Variants in DAND5 observed in about 807,000 individuals in gnomAD.
The protein encoded by DAND5 is DAN domain family member 5.
A neutral mutation model predicts 9.2 loss-of-function variants in DAND5; 8 were observed. The observed-to-expected ratio is 0.87, with a 90% CI of 0.51 to 1.56. The LOEUF (loss-of-function observed/expected upper bound fraction) is 1.56, where lower values mean the gene tolerates loss of function less well. Ranked by LOEUF, DAND5 falls within the 40% of genes most tolerant of loss-of-function variation. The probability of loss-of-function intolerance (pLI) is 0.00; values close to 1 mark genes in which losing one functional copy is unlikely to be tolerated. For synonymous variants in DAND5, 95 were observed against 101.1 expected, an observed-to-expected ratio of 0.94 and a Z score of 0.36; for missense variants, 244 against 244.7, an observed-to-expected ratio of 1.00 and a Z score of 0.02.
chr19:12,970,087 C>T (rs2011138997), intron 1 of DAND5, 103 bp downstream of exon 1: 4 of 1,369,816 alleles, frequency 2.9e-6, no homozygotes, highest in Non-Finnish European at 4.0e-6. Context: ...GTATCCTCCA[C>T]CTGAATGTCT....
In DAND5 at chr19:12,969,633, ACAGG is replaced by A. The variant is rs764742041; in HGVS notation, c.-24_-21del. 6.4e-7 allele frequency: 1 copy of A among 1,570,196 alleles called. No homozygotes were observed. The highest frequency in any genetic ancestry group is 8.6e-7 in the Non-Finnish European group (1 of 1,161,152). On this transcript the variant is annotated 5_prime_UTR_variant, in exon 1 of 2. Coordinates refer to ENST00000317060, the MANE Select transcript of DAND5 (RefSeq NM_152654.3). Reference sequence around the variant, plus strand: ...CCTTGAGCCCAGTCCGGACAGACAGACAGGCAGACAGACGCACGGACAAGCAGAT... The same window carrying A: ...CCTTGAGCCCAGTCCGGACAGACAGACAGACAGACGCACGGACAAGCAGAT...
intron 1 of DAND5, chr19:12,970,320 C>T: frequency 1.6e-6 from 1 of 617,464 alleles, no homozygotes. Flanking sequence ...CTTCACAGCC[C>T]ACAAATTTCT....
intron 1 of DAND5, among the ~76,000 whole-genome samples, chr19:12,971,660 C>T (rs533586983): frequency 2.7e-5 from 4 of 148,492 alleles, no homozygotes; most frequent in Admixed American, 6.8e-5. Flanking sequence ...GGTGCAATCT[C>T]GGCTCACTGC....
intron 1 of DAND5, among the ~76,000 whole-genome samples, chr19:12,972,058 A>ATT (rs71168643): frequency 6.1e-5 from 7 of 114,190 alleles, no homozygotes; most frequent in Admixed American, 1.9e-4. Context: ...CCCAGCTAAT[A>ATT]TTTTTTTTTT....
At chr19:12,972,302 G>A (rs1468530215) in intron 1 of DAND5, among the ~76,000 whole-genome samples, 2 of 151,862 alleles carry the variant, frequency 1.3e-5, no homozygotes, top group East Asian at 3.9e-4. Flanking sequence ...TTCGTGATCT[G>A]CCTGCGTTGG....
chr19:12,973,682 G>A lies in DAND5; in HGVS notation c.*48G>A, dbSNP rs1467885132. 1 of 1,585,858 alleles carries A rather than the reference G, an allele frequency of 6.3e-7. No homozygotes were observed. The highest frequency in any genetic ancestry group is 1.3e-5 in the African/African-American group (1 of 74,582). On this transcript the variant is annotated 3_prime_UTR_variant, in exon 2 of 2. Transcript: ENST00000317060. ...ACGGAGACACGCACCTTGGAGAAAT[G>A]AGGGGAGATGGACCAAGAAAGACGT...
At chr19:12,970,007 G>C in intron 1 of DAND5, 23 bp downstream of exon 1, 1 of 1,612,046 alleles carries the variant, frequency 6.2e-7, no homozygotes, top group Non-Finnish European at 8.5e-7. Flanking sequence ...GTGTGGGGAG[G>C]AGAGGGCTGG....
rs376960433 is a variant in DAND5 at position 12,973,377 on chromosome 19, C to T, written c.325-12C>T. ...TCCGCCACCCTGACCGTCTCCATGC[C>T]TCCGGCCCCAGGTGTTCTCCCGGCC... On this transcript the variant is annotated splice_polypyrimidine_tract_variant and intron_variant, in intron 1 of 1. Transcript: ENST00000317060. 78 of 1,613,172 alleles carry T rather than the reference C, an allele frequency of 4.8e-5. No individual in the cohort carries two copies. The highest frequency in any genetic ancestry group is 5.8e-5 in the Non-Finnish European group (69 of 1,179,668).
chr19:12,971,904 T>C (rs2011147200), intron 1 of DAND5, among the ~76,000 whole-genome samples: 3 of 151,956 alleles, frequency 2.0e-5, no homozygotes, highest in Admixed American at 6.6e-5. Context: ...TCATGTTTTT[T>C]GTTAGAGACA....
chr19:12,973,836 T>C lies in DAND5; in HGVS notation c.*202T>C. ...CGTCCTGGAGTTGCACCACTGATAG[T>C]CACAGCACACAATGATTGACAACTC... is the stretch of plus-strand genomic sequence containing the variant. On this transcript the variant is annotated 3_prime_UTR_variant, in exon 2 of 2. Transcript: ENST00000317060. 3.1e-6 allele frequency: 2 copies of C among 649,954 alleles called. No individual in the cohort carries two copies. The highest frequency in any genetic ancestry group is 5.1e-6 in the Non-Finnish European group (2 of 394,072). The allele number at this position is 649,954 out of a possible 1,614,324, so 40.3% of individuals were successfully genotyped here.
intron 1 of DAND5, chr19:12,970,609 TTTC>T (rs1398146772): frequency 1.0e-5 from 5 of 485,300 alleles, no homozygotes; most frequent in Admixed American, 3.8e-5. Context: ...TCTTTCTTTC[TTTC>T]TTTTCTTTCT....
At chr19:12,970,173 G>T (rs1254463915) in intron 1 of DAND5, among the ~76,000 whole-genome samples, 189 bp downstream of exon 1, 1 of 151,698 alleles carries the variant, frequency 6.6e-6, no homozygotes, top group Non-Finnish European at 1.5e-5. Flanking sequence ...CCACTATCAT[G>T]CCCCTCTCCA....
At chr19:12,973,080 T>G (rs539486311) in intron 1 of DAND5, among the ~76,000 whole-genome samples, 10 of 151,916 alleles carry the variant, frequency 6.6e-5, no homozygotes, top group Non-Finnish European at 1.0e-4. Flanking sequence ...GCCAGGATGG[T>G]CTCGATCTGC....
chr19:12,970,322 C>A (rs941088605), intron 1 of DAND5: 11 of 618,070 alleles, frequency 1.8e-5, no homozygotes, highest in Non-Finnish European at 2.9e-5. Flanking sequence ...TCACAGCCCA[C>A]AAATTTCTGT....
intron 1 of DAND5, among the ~76,000 whole-genome samples, chr19:12,972,542 T>G (rs533547022): frequency 6.6e-6 from 1 of 151,958 alleles, no homozygotes; most frequent in Non-Finnish European, 1.5e-5. Context: ...TTAATTAATT[T>G]ATTTGTTTAT....
intron 1 of DAND5, among the ~76,000 whole-genome samples, chr19:12,972,974 T>G (rs2011152997): frequency 6.6e-6 from 1 of 150,774 alleles, no homozygotes; most frequent in South Asian, 2.2e-4. Context: ...ACCATTCTTC[T>G]GCCTCAGTCT....
intron 1 of DAND5, chr19:12,970,639 C>CACTT (rs2011141943): frequency 2.2e-6 from 1 of 458,288 alleles, no homozygotes; most frequent in African/African-American, 2.2e-5. Context: ...TTCTTTTTTT[C>CACTT]TCTTTCTTTC....
intron 1 of DAND5, among the ~76,000 whole-genome samples, chr19:12,973,066 G>A (rs921714624): frequency 2.6e-5 from 4 of 151,288 alleles, no homozygotes; most frequent in Admixed American, 6.6e-5. Context: ...GTTTCACCGT[G>A]TTGGCCAGGA....
rs896833374 is a variant in DAND5 at position 12,970,399 on chromosome 19, T to C, written c.324+415T>C. ...CTCTCCCCCTCAGTTACTTTGCTTCTACACATCAGCCTCCTTTTCCTCAGA... is the reference window on the plus strand; with the variant it reads ...CTCTCCCCCTCAGTTACTTTGCTTCCACACATCAGCCTCCTTTTCCTCAGA... On this transcript the variant is annotated intron_variant, in intron 1 of 1. Coordinates refer to ENST00000317060, the MANE Select transcript of DAND5 (RefSeq NM_152654.3). 71 of 695,288 alleles carry C rather than the reference T, an allele frequency of 1.0e-4. 1 individual carries two copies. Among genetic ancestry groups the C allele is most frequent in the Non-Finnish European group, 1.3e-4 (49 of 380,976 alleles). 43.1% of individuals were successfully genotyped at this position (695,288 alleles called of 1,614,324 possible).
Sources: gnomAD v4.1 joint callset for allele counts (sites outside exome capture counted in the v4.1 genomes callset) on GRCh38, gnomAD v4.1.1 for gene constraint, MANE v1.5 for transcripts, NCBI Gene and HGNC (gene_info 2026-07-23, HGNC 2026-07-21) for gene names.